Variants in ANKRD29 observed in about 807,000 individuals in gnomAD.
The protein encoded by ANKRD29 is ankyrin repeat domain-containing protein 29.
Under a neutral mutation model 38.0 loss-of-function variants are expected in ANKRD29, and 32 were observed. The observed-to-expected ratio is 0.84, with a 90% CI of 0.64 to 1.13. The LOEUF (loss-of-function observed/expected upper bound fraction) is 1.13, where lower values mean the gene tolerates loss of function less well. Among genes scored for constraint, ANKRD29 ranks in the 50% most tolerant of loss-of-function variants. The pLI is 0.00. For missense variants in ANKRD29, 357 were observed against 377.9 expected, an observed-to-expected ratio of 0.94 and a Z score of 0.46; for synonymous variants, 135 against 152.4, an observed-to-expected ratio of 0.89 and a Z score of 0.84.
In ANKRD29 at chr18:23,600,391, T is replaced by C. The variant is rs1406791487; in HGVS notation, c.*835A>G. 1 of 152,204 alleles carries C rather than the reference T, an allele frequency of 6.6e-6. No homozygotes were observed. The highest frequency in any genetic ancestry group is 6.5e-5 in the Admixed American group (1 of 15,278). The allele number at this position is 152,204 out of a possible 1,614,324, so 9.4% of individuals were successfully genotyped here. A position where few individuals can be genotyped will look rare whatever the true frequency, so the allele number is the denominator to read the frequency against. On this transcript the variant is annotated 3_prime_UTR_variant, in exon 10 of 10. Transcript: ENST00000592179. Reference sequence around the variant, plus strand: ...AGATTCCACAGCATGTTAGGTATACTTACTTATAGAATAGGAAATAGATTC... The same window carrying C: ...AGATTCCACAGCATGTTAGGTATACCTACTTATAGAATAGGAAATAGATTC...
At chr18:23,632,955 C>T (rs181256955) in intron 5 of ANKRD29, among the ~76,000 whole-genome samples, 2 of 152,202 alleles carry the variant, frequency 1.3e-5, no homozygotes, top group Admixed American at 1.3e-4. Flanking sequence ...CTACAGAGCT[C>T]ATTACATGTC....
chr18:23,615,878 A>G (rs1300561194), intron 8 of ANKRD29, among the ~76,000 whole-genome samples: 1 of 147,924 alleles, frequency 6.8e-6, no homozygotes, highest in Admixed American at 6.8e-5. Flanking sequence ...ACTCTATAGT[A>G]TATATAGTAT....
rs565666917 is a variant in ANKRD29 at position 23,653,930 on chromosome 18, G to GCA, written c.22-4739_22-4738dup. Among the ~76,000 whole-genome samples the GCA allele has an allele frequency of 6.5e-3, 986 of 152,058 alleles. 7 individuals are homozygous for GCA. The highest frequency in any genetic ancestry group is 0.01 in the Non-Finnish European group (697 of 68,006). On this transcript the variant is annotated intron_variant, in intron 1 of 9. Coordinates refer to ENST00000592179, the MANE Select transcript of ANKRD29 (RefSeq NM_173505.4). ...ATAGGAATGAGTTAGTCAAGGTCACGCAGTAAGGATCTTGGCTCATCCAAA... is the reference window on the plus strand; with the variant it reads ...ATAGGAATGAGTTAGTCAAGGTCACGCACAGTAAGGATCTTGGCTCATCCAAA...
At chr18:23,622,878 A>G (rs1010071325) in intron 6 of ANKRD29, among the ~76,000 whole-genome samples, 3 of 152,190 alleles carry the variant, frequency 2.0e-5, no homozygotes, top group Non-Finnish European at 4.4e-5. Context: ...AAAAATTATT[A>G]TTATCAATTT....
intron 3 of ANKRD29, among the ~76,000 whole-genome samples, chr18:23,645,527 T>C (rs76781964): frequency 9.9e-5 from 15 of 152,178 alleles, no homozygotes; most frequent in African/African-American, 3.6e-4. Context: ...TGAGCCGAGG[T>C]TGCGCCATTG....
At chr18:23,611,870 A>T (rs1389955642) in intron 9 of ANKRD29, among the ~76,000 whole-genome samples, 1 of 150,996 alleles carries the variant, frequency 6.6e-6, no homozygotes, top group African/African-American at 2.4e-5. Context: ...TTGTTAAAAA[A>T]GAAAAAAAAA....
In ANKRD29 at chr18:23,646,275, G is replaced by T; in HGVS notation, c.145C>A (p.Leu49Ile). 6.2e-7 allele frequency: 1 copy of T among 1,613,938 alleles called. No individual in the cohort carries two copies. Among genetic ancestry groups the T allele is most frequent in the Non-Finnish European group, 8.5e-7 (1 of 1,180,012 alleles). The change falls in exon 3 of 10, where the codon CTC becomes ATC. Residue 49 changes from leucine (L) to isoleucine (I), a missense_variant. Transcript: ENST00000592179. ...VDCRDSHGTT[L>I]LMVAAYAGHI... Reference sequence around the variant, plus strand: ...CCAGCGTAGGCAGCAACCATCAGGAGTGTGGTGCCATGCTGGATGGAGGAG... The same window carrying T: ...CCAGCGTAGGCAGCAACCATCAGGATTGTGGTGCCATGCTGGATGGAGGAG...
intron 8 of ANKRD29, among the ~76,000 whole-genome samples, chr18:23,613,414 T>C (rs2059669495): frequency 6.6e-6 from 1 of 151,894 alleles, no homozygotes; most frequent in Non-Finnish European, 1.5e-5. Flanking sequence ...TCAGGTGTTT[T>C]GCCCACCTCA....
intron 1 of ANKRD29, among the ~76,000 whole-genome samples, chr18:23,655,854 G>A (rs1385657739): frequency 1.3e-5 from 2 of 150,246 alleles, no homozygotes; most frequent in African/African-American, 4.9e-5. Context: ...AGCACTTTGG[G>A]AGGCCGAGGC....
At chr18:23,616,355 C>T (rs1182124751) in intron 8 of ANKRD29, among the ~76,000 whole-genome samples, 1 of 148,960 alleles carries the variant, frequency 6.7e-6, no homozygotes, top group Non-Finnish European at 1.5e-5. Context: ...ATAGTGAGAC[C>T]CTATCTCTAC....
chr18:23,657,996 C>T (rs77795720), intron 1 of ANKRD29, among the ~76,000 whole-genome samples: 3,216 of 152,304 alleles, frequency 0.021, 111 homozygotes, highest in African/African-American at 0.07. Context: ...TAATATTTGC[C>T]TTGCTAGGTA....
At chr18:23,654,324 A>AAATAAATC (rs1555662868) in intron 1 of ANKRD29, among the ~76,000 whole-genome samples, 30 of 140,494 alleles carry the variant, frequency 2.1e-4, no homozygotes, top group African/African-American at 6.5e-4. Context: ...ATAAATAAAT[A>AAATAAATC]AATCCAAGTC....
chr18:23,634,763 T>C (rs1488626577), intron 4 of ANKRD29, among the ~76,000 whole-genome samples: 1 of 152,226 alleles, frequency 6.6e-6, no homozygotes, highest in Admixed American at 6.6e-5. Context: ...TGCAGCATCA[T>C]CTATTTGCTT....
At chr18:23,645,074 A>C (rs1185507987) in intron 3 of ANKRD29, among the ~76,000 whole-genome samples, 1 of 152,190 alleles carries the variant, frequency 6.6e-6, no homozygotes, top group Non-Finnish European at 1.5e-5. Context: ...AAATGTTGCA[A>C]GGCATGACCT....
At chr18:23,640,295 C>T (rs1272580692) in intron 3 of ANKRD29, among the ~76,000 whole-genome samples, 1 of 152,152 alleles carries the variant, frequency 6.6e-6, no homozygotes, top group African/African-American at 2.4e-5. Context: ...TGATTTTGGA[C>T]TTCTGGCCTC....
At chr18:23,638,805 C>A in intron 4 of ANKRD29, 44 bp downstream of exon 4, 1 of 1,497,372 alleles carries the variant, frequency 6.7e-7, no homozygotes, top group South Asian at 1.2e-5. Flanking sequence ...CCCATGGCTG[C>A]TGAAATTCTT....
intron 6 of ANKRD29, among the ~76,000 whole-genome samples, chr18:23,622,967 T>C (rs1471629606): frequency 6.6e-6 from 1 of 152,232 alleles, no homozygotes. Context: ...CAATCAGTTC[T>C]TCCTGGCTGT....
chr18:23,599,929 T>C lies in ANKRD29; in HGVS notation c.*1297A>G, dbSNP rs1383159940. On this transcript the variant is annotated 3_prime_UTR_variant, in exon 10 of 10. Coordinates refer to ENST00000592179, the MANE Select transcript of ANKRD29 (RefSeq NM_173505.4). Reference sequence around the variant, plus strand: ...GGTTAAACAAAAATTCTTTTGGGATTACAACATTTTCCTCTAAAAGTGTCT... The same window carrying C: ...GGTTAAACAAAAATTCTTTTGGGATCACAACATTTTCCTCTAAAAGTGTCT... 6.6e-6 allele frequency: 1 copy of C among 152,254 alleles called. No individual in the cohort carries two copies. Among genetic ancestry groups the C allele is most frequent in the Non-Finnish European group, 1.5e-5 (1 of 68,042 alleles). The allele number at this position is 152,254 out of a possible 1,614,324, so 9.4% of individuals were successfully genotyped here. A position where few individuals can be genotyped will look rare whatever the true frequency, so the allele number is the denominator to read the frequency against.
intron 4 of ANKRD29, 32 bp from the exon 5 acceptor site, chr18:23,634,181 G>T: frequency 1.3e-6 from 2 of 1,571,058 alleles, no homozygotes; most frequent in Non-Finnish European, 1.8e-6. Flanking sequence ...ACACATTAGA[G>T]GTGGCGCAGG....
Sources: allele counts gnomAD v4.1 joint callset (sites outside exome capture counted in the v4.1 genomes callset), GRCh38; gene constraint gnomAD v4.1.1; transcripts MANE v1.5; gene names NCBI Gene and HGNC (gene_info 2026-07-23, HGNC 2026-07-21).